The following CCR5AS variants were observed in gnomAD, a reference collection of about 807,000 sequenced individuals.
CCR5AS encodes the protein CCR5 antisense RNA.
chr3:46,368,189 A>C (rs771245859), intron 3 of CCR5AS, among the ~76,000 whole-genome samples: 1 of 152,226 alleles, frequency 6.6e-6, no homozygotes, highest in Non-Finnish European at 1.5e-5. Context: ...AAAAGGCCCC[A>C]AAAAGGAGGG....
intron 1 of CCR5AS, among the ~76,000 whole-genome samples, chr3:46,402,190 C>T (rs1422927601): frequency 6.6e-6 from 1 of 152,140 alleles, no homozygotes; most frequent in East Asian, 1.9e-4. Context: ...CCAGTAAGTA[C>T]ATATAAAATC....
intron 2 of CCR5AS, among the ~76,000 whole-genome samples, chr3:46,388,197 TG>T (rs1319978165): frequency 2.0e-5 from 3 of 152,028 alleles, no homozygotes; most frequent in Non-Finnish European, 1.5e-5. Context: ...CGAAAATTTT[TG>T]GGGGTGGTAT....
At chr3:46,388,707 C>A (rs183388348) in intron 2 of CCR5AS, among the ~76,000 whole-genome samples, 80 of 152,150 alleles carry the variant, frequency 5.3e-4, no homozygotes, top group African/African-American at 1.7e-3. Context: ...GCAAAGGAAG[C>A]AATTGTTTGT....
chr3:46,369,026 T>C (rs563153875), intron 3 of CCR5AS, among the ~76,000 whole-genome samples: 3 of 152,366 alleles, frequency 2.0e-5, no homozygotes, highest in Non-Finnish European at 4.4e-5. Flanking sequence ...CTATCTATTT[T>C]CTATAAAATT....
chr3:46,382,679 C>T (rs1288528715), intron 2 of CCR5AS, among the ~76,000 whole-genome samples: 1 of 152,168 alleles, frequency 6.6e-6, no homozygotes, highest in Non-Finnish European at 1.5e-5. Flanking sequence ...TGGTAGCCAC[C>T]AGGCCAGGGT....
chr3:46,406,641 T>C (rs1217302238), intron 1 of CCR5AS, among the ~76,000 whole-genome samples: 1 of 152,156 alleles, frequency 6.6e-6, no homozygotes, highest in Non-Finnish European at 1.5e-5. Context: ...GTTCTCCTTT[T>C]CCGAGTGGGG....
chr3:46,372,811 G>A (rs1266753119), intron 2 of CCR5AS: 4 of 954,116 alleles, frequency 4.2e-6, no homozygotes, highest in South Asian at 3.3e-5. Flanking sequence ...ACCTATTGAT[G>A]TATAAAACAG....
At chr3:46,380,447 T>G (rs1041578428) in intron 2 of CCR5AS, among the ~76,000 whole-genome samples, 1 of 152,254 alleles carries the variant, frequency 6.6e-6, no homozygotes, top group Non-Finnish European at 1.5e-5. Flanking sequence ...AGTTACATTA[T>G]CACCTCGTTT....
At chr3:46,374,613 T>C (rs373926603) in intron 2 of CCR5AS, 1 of 167,288 alleles carries the variant, frequency 6.0e-6, no homozygotes, top group East Asian at 1.9e-4. Flanking sequence ...GAAGCCTCAC[T>C]GCAAGCACTG....
At chr3:46,406,292 A>C (rs1265366583) in intron 1 of CCR5AS, among the ~76,000 whole-genome samples, 4 of 152,158 alleles carry the variant, frequency 2.6e-5, no homozygotes, top group South Asian at 2.1e-4. Context: ...ATTCTAAGCA[A>C]ATAGGTCTGA....
chr3:46,369,255 G>GC (rs1575277489), intron 3 of CCR5AS, among the ~76,000 whole-genome samples: 1 of 152,104 alleles, frequency 6.6e-6, no homozygotes, highest in Non-Finnish European at 1.5e-5. Flanking sequence ...CAATAATTTG[G>GC]TCAGAGCCAA....
chr3:46,381,511 C>G (rs187681271), intron 2 of CCR5AS, among the ~76,000 whole-genome samples: 128 of 152,290 alleles, frequency 8.4e-4, no homozygotes, highest in Admixed American at 4.1e-3. Flanking sequence ...TATCTGATAA[C>G]TTAATCTTTT....
At chr3:46,404,371 G>C (rs1234706358) in intron 1 of CCR5AS, among the ~76,000 whole-genome samples, 1 of 115,886 alleles carries the variant, frequency 8.6e-6, no homozygotes, top group Non-Finnish European at 1.6e-5. Context: ...GTCTCACTCT[G>C]TCACCCAGGC....
intron 2 of CCR5AS, among the ~76,000 whole-genome samples, chr3:46,378,999 T>A (rs989591138): frequency 4.1e-5 from 6 of 146,852 alleles, no homozygotes; most frequent in Non-Finnish European, 1.5e-5. Flanking sequence ...GTTGGTAAAT[T>A]TCTTTTTTTT....
At chr3:46,367,281 C>T (rs980151862) in intron 3 of CCR5AS, among the ~76,000 whole-genome samples, 2 of 149,750 alleles carry the variant, frequency 1.3e-5, no homozygotes. Flanking sequence ...TAAGTGTGTT[C>T]TTCCTCAATA....
At chr3:46,374,204 C>T in intron 2 of CCR5AS, 1 of 362,138 alleles carries the variant, frequency 2.8e-6, no homozygotes. Flanking sequence ...TTTTATCTCC[C>T]CTTCACATGC....
intron 1 of CCR5AS, among the ~76,000 whole-genome samples, chr3:46,401,071 G>A (rs1415601263): frequency 6.6e-6 from 1 of 152,156 alleles, no homozygotes; most frequent in Non-Finnish European, 1.5e-5. Flanking sequence ...GGAGAAAGTG[G>A]AATATTGGGA....
intron 2 of CCR5AS, among the ~76,000 whole-genome samples, chr3:46,387,757 G>T (rs981995412): frequency 1.3e-5 from 2 of 152,166 alleles, no homozygotes; most frequent in African/African-American, 4.8e-5. Context: ...AATCATGTGG[G>T]TGCAGGCAGA....
chr3:46,380,729 G>A (rs1265498048), intron 2 of CCR5AS, among the ~76,000 whole-genome samples: 1 of 152,216 alleles, frequency 6.6e-6, no homozygotes, highest in East Asian at 1.9e-4. Context: ...ATTCACAAAA[G>A]CCAACATATT....
Sources: allele counts gnomAD v4.1 joint callset (sites outside exome capture counted in the v4.1 genomes callset), GRCh38; gene constraint gnomAD v4.1.1; transcripts MANE v1.5; gene names NCBI Gene and HGNC (gene_info 2026-07-23, HGNC 2026-07-21).